ZEB1: variants seen among roughly 807,000 people sequenced by gnomAD.
The protein encoded by ZEB1 is zinc finger E-box binding homeobox 1.
A neutral mutation model predicts 84.9 loss-of-function variants in ZEB1; 21 were observed. That is an observed-to-expected ratio of 0.25 (90% CI 0.18 to 0.36). The LOEUF (loss-of-function observed/expected upper bound fraction) is 0.36. ZEB1 is among the 10% of genes least tolerant of loss of function. ZEB1 has a pLI of 1.00. For synonymous variants in ZEB1, 420 were observed against 471.1 expected (o/e 0.89, Z 1.41); for missense variants, 1,104 against 1,330.2 (o/e 0.83, Z 2.65).
chr10:31,450,411 T>G (rs1046266944), intron 1 of ZEB1, among the ~76,000 whole-genome samples: 1 of 150,196 alleles, frequency 6.7e-6, no homozygotes, highest in Admixed American at 6.6e-5. Context: ...TGGAAAGATA[T>G]TGATTTTTTT....
intron 7 of ZEB1, among the ~76,000 whole-genome samples, chr10:31,523,488 T>A (rs2072793720): frequency 1.3e-5 from 2 of 152,206 alleles, no homozygotes; most frequent in Admixed American, 6.5e-5. Context: ...TAGCTTTTGC[T>A]TAGTGAAACC....
chr10:31,381,102 C>A (rs973084857), intron 1 of ZEB1, among the ~76,000 whole-genome samples: 1 of 152,088 alleles, frequency 6.6e-6, no homozygotes, highest in Non-Finnish European at 1.5e-5. Flanking sequence ...AGGAATGAAA[C>A]AATCACCATT....
rs2139818052 is a variant in ZEB1, at chr10:31,521,536, C to T, written c.2204C>T (p.Pro735Leu). Residue 735 changes from proline to leucine, a missense_variant, in exon 7 of 9, where the codon CCT becomes CTT. By Grantham distance (98) the Pro-to-Leu change is moderately conservative. Transcript: ENST00000424869. The stretch of plus-strand genomic sequence containing the variant: ...GCACAAGAAGAGCCACAAGTAGAAC[C>T]TCTTGATCTTTCACTACCAAAGCAA... The part of the protein sequence containing the change: ...EGAQEEPQVE[P>L]LDLSLPKQQG... 1 of 1,614,106 alleles carries T rather than the reference C, an allele frequency of 6.2e-7. No individual in the cohort carries two copies. The highest frequency in any genetic ancestry group is 8.5e-7 in the Non-Finnish European group (1 of 1,180,014).
intron 2 of ZEB1, among the ~76,000 whole-genome samples, chr10:31,465,170 G>A (rs2062247972): frequency 6.6e-6 from 1 of 152,056 alleles, no homozygotes; most frequent in Non-Finnish European, 1.5e-5. Flanking sequence ...ATGATGTTGT[G>A]TAAATGTCTT....
At chr10:31,465,264 A>T in intron 2 of ZEB1, among the ~76,000 whole-genome samples, 1 of 152,070 alleles carries the variant, frequency 6.6e-6, no homozygotes, top group East Asian at 1.9e-4. Context: ...ACAAGTATGT[A>T]AATTGTGGTA....
chr10:31,427,944 G>A (rs191822919), intron 1 of ZEB1, among the ~76,000 whole-genome samples: 28 of 151,498 alleles, frequency 1.8e-4, no homozygotes, highest in African/African-American at 6.3e-4. Context: ...TGTTGTTTCT[G>A]ATTGTGTTTA....
At chr10:31,398,551 G>A (rs573023643) in intron 1 of ZEB1, among the ~76,000 whole-genome samples, 1 of 151,918 alleles carries the variant, frequency 6.6e-6, no homozygotes, top group Non-Finnish European at 1.5e-5. Context: ...CTTACTCCCA[G>A]TTCTCCTTTA....
At chr10:31,367,483 CT>C (rs2044752626) in intron 1 of ZEB1, among the ~76,000 whole-genome samples, 1 of 152,158 alleles carries the variant, frequency 6.6e-6, no homozygotes, top group African/African-American at 2.4e-5. Flanking sequence ...ACTTACTGCA[CT>C]TTTCTAGGCA....
In ZEB1 at chr10:31,526,814, T is replaced by C; in HGVS notation, c.2928T>C (p.Tyr976=). The part of the protein sequence containing the change: ...CGKRFSHSGS[Y]SQHMNHRYSY... ...AGCGCTTCTCACACTCTGGGTCTTA[T>C]TCTCAACACATGAATCATCGCTACT... Residue 976 remains tyrosine (Y), a synonymous_variant, in exon 9 of 9, where the codon TAT becomes TAC. Coordinates refer to ENST00000424869, the MANE Select transcript of ZEB1 (RefSeq NM_001174096.2). 6.2e-7 allele frequency: 1 copy of C among 1,614,146 alleles called. No individual in the cohort carries two copies. Among genetic ancestry groups the C allele is most frequent in the Non-Finnish European group, 8.5e-7 (1 of 1,180,028 alleles).
chr10:31,524,253 C>A, intron 8 of ZEB1, 140 bp downstream of exon 8: 1 of 907,520 alleles, frequency 1.1e-6, no homozygotes, highest in Non-Finnish European at 1.6e-6. Flanking sequence ...TCTAGTCACC[C>A]AGGCTGGAGT....
At chr10:31,354,664 T>C (rs2041845948) in intron 1 of ZEB1, among the ~76,000 whole-genome samples, 1 of 152,196 alleles carries the variant, frequency 6.6e-6, no homozygotes, top group African/African-American at 2.4e-5. Context: ...TACATTTCAC[T>C]AGAAGTTAAA....
Position 31,524,105 on chromosome 10 carries a change from A to G in ZEB1, c.2777A>G (p.Glu926Gly). Residue 926 changes from glutamate to glycine, a missense_variant, in exon 8 of 9, where the codon GAA becomes GGA. Physicochemically the swap from Glu to Gly is moderately conservative, Grantham distance 98 (BLOSUM62 -2). Around this residue, in one of 7 missense-constraint regions of ZEB1, gnomAD observed 53 missense variants for 92.5 expected, o/e 0.57. Transcript: ENST00000424869. Reference sequence around the variant, plus strand: ...AGTTCATTATTGAGACATAAATATGAACACACAGGTATGTCAGTGAACACA... The same window carrying G: ...AGTTCATTATTGAGACATAAATATGGACACACAGGTATGTCAGTGAACACA... ...KSSSLLRHKY[E>G]HTGKRPHECG... 1 of 1,613,826 alleles carries G rather than the reference A, an allele frequency of 6.2e-7. No homozygotes were observed. The highest frequency in any genetic ancestry group is 8.5e-7 in the Non-Finnish European group (1 of 1,179,834).
intron 1 of ZEB1, among the ~76,000 whole-genome samples, chr10:31,420,943 T>C (rs905889427): frequency 6.6e-6 from 1 of 152,220 alleles, no homozygotes; most frequent in Non-Finnish European, 1.5e-5. Context: ...GCCTGTTTCT[T>C]GACCCTGTAC....
At chr10:31,410,364 G>A (rs541158658) in intron 1 of ZEB1, among the ~76,000 whole-genome samples, 8 of 152,252 alleles carry the variant, frequency 5.3e-5, no homozygotes, top group Non-Finnish European at 7.4e-5. Flanking sequence ...TGACCTAATC[G>A]TGGTGGATAA....
intron 2 of ZEB1, among the ~76,000 whole-genome samples, chr10:31,466,047 A>G (rs1184811861): frequency 1.3e-5 from 2 of 152,264 alleles, no homozygotes; most frequent in Non-Finnish European, 2.9e-5. Context: ...AGGTCATTGT[A>G]TAATGATAAA....
chr10:31,495,958 T>A, intron 3 of ZEB1, 120 bp downstream of exon 3: 1 of 1,084,886 alleles, frequency 9.2e-7, no homozygotes, highest in Non-Finnish European at 1.4e-6. Context: ...TTACCTTCCT[T>A]AAATGTTTAA....
chr10:31,428,775 CTTG>C (rs1431304391), intron 1 of ZEB1, among the ~76,000 whole-genome samples: 2 of 152,152 alleles, frequency 1.3e-5, no homozygotes, highest in African/African-American at 4.8e-5. Context: ...ATAGTTTGAT[CTTG>C]TTGAATGTAA....
chr10:31,426,761 G>A (rs182967696), intron 1 of ZEB1, among the ~76,000 whole-genome samples: 1 of 152,286 alleles, frequency 6.6e-6, no homozygotes, highest in East Asian at 1.9e-4. Context: ...TCATAGGTGA[G>A]CCTCTACTCT....
chr10:31,488,536 T>G (rs1173692471), intron 2 of ZEB1, among the ~76,000 whole-genome samples: 1 of 150,940 alleles, frequency 6.6e-6, no homozygotes, highest in African/African-American at 2.4e-5. Flanking sequence ...TTTTTAATTT[T>G]ATTGCTTTTT....
Sources: gnomAD v4.1 joint callset for allele counts (sites outside exome capture counted in the v4.1 genomes callset) on GRCh38, gnomAD v4.1.1 for gene constraint, gnomAD v4.1.1 regional missense constraint, MANE v1.5 for transcripts, NCBI Gene and HGNC (gene_info 2026-07-23, HGNC 2026-07-21) for gene names.